Variants in CSNK1G1 observed in about 807,000 individuals in gnomAD.
CSNK1G1 encodes casein kinase 1 gamma 1, also known as casein kinase I isoform gamma-1.
A neutral mutation model predicts 59.6 loss-of-function variants in CSNK1G1; 22 were observed. The observed-to-expected ratio is 0.37, with a 90% CI of 0.26 to 0.53. The LOEUF is 0.53. Ranked by LOEUF, CSNK1G1 falls within the 20% of genes least tolerant of loss-of-function variation. The pLI is 0.89. For synonymous variants in CSNK1G1, 179 were observed against 177.1 expected (o/e 1.01, Z -0.08); for missense variants, 384 against 519.5 (o/e 0.74, Z 2.54).
rs574563796 is a variant in CSNK1G1 at position 64,245,751 on chromosome 15, A to G, written c.292+5761T>C. 1.2e-3 allele frequency among the ~76,000 whole-genome samples: 169 copies of G among 144,782 alleles called. No individual in the cohort carries two copies. The South Asian group carries it at 0.014, about 12-fold the overall frequency. 95.0% of individuals were successfully genotyped at this position (144,782 alleles called of 152,430 possible). The stretch of plus-strand genomic sequence containing the variant: ...GAGACCCCGGTTCTCCACAAAAAGG[A>G]AAAAAAAAAAAGACACACACACAAA... On this transcript the variant is annotated intron_variant, in intron 4 of 11. Transcript: ENST00000303052.
At chr15:64,189,019 G>A (rs931897792) in intron 10 of CSNK1G1, among the ~76,000 whole-genome samples, 6 of 152,098 alleles carry the variant, frequency 3.9e-5, no homozygotes, top group Non-Finnish European at 5.9e-5. Flanking sequence ...CCAGCTACTC[G>A]GGAGGCTGAA....
Position 64,216,924 on chromosome 15 carries a change from G to A in CSNK1G1, c.293-211C>T, listed in dbSNP as rs933081101. On this transcript the variant is annotated intron_variant, in intron 4 of 11. Coordinates refer to ENST00000303052, the MANE Select transcript of CSNK1G1 (RefSeq NM_022048.5). The surrounding 1 kb of genome is among the most constrained non-coding windows in gnomAD (Gnocchi z 4.6). ...GAAAGGCTAAGTCATTGCACAATAC[G>A]TTCAAATGAGTAGTTATTTAATACC... is the stretch of plus-strand genomic sequence containing the variant. Among the ~76,000 whole-genome samples the A allele has an allele frequency of 5.9e-5, 9 of 152,186 alleles. No individual in the cohort carries two copies. The highest frequency in any genetic ancestry group is 8.8e-5 in the Non-Finnish European group (6 of 68,032).
rs74602195 is a variant in CSNK1G1, at chr15:64,288,323, G to A, written c.181+11996C>T. Among the ~76,000 whole-genome samples, 462 of 152,218 alleles carry A rather than the reference G, an allele frequency of 3.0e-3. 1 individual carries two copies. Among genetic ancestry groups the A allele is most frequent in the African/African-American group, 0.011 (445 of 41,532 alleles). ...TGACATAAGTATATTGGGAGAATAT[G>A]GGCAAGGTATGTACGTCATTAGGGA... On this transcript the variant is annotated intron_variant, in intron 2 of 11. Coordinates refer to ENST00000303052, the MANE Select transcript of CSNK1G1 (RefSeq NM_022048.5).
rs2082025232 is a variant in CSNK1G1 at position 64,195,353 on chromosome 15, A to C, written c.1107+7729T>G. On this transcript the variant is annotated intron_variant, in intron 10 of 11. Coordinates refer to ENST00000303052, the MANE Select transcript of CSNK1G1 (RefSeq NM_022048.5). ...CCCTTCTTTTTCACATACCCACAACAAAACCCACCATAATAAAAGAGGTCA... is the reference window on the plus strand; with the variant it reads ...CCCTTCTTTTTCACATACCCACAACCAAACCCACCATAATAAAAGAGGTCA... Among the ~76,000 whole-genome samples, 3 of 152,210 alleles carry C rather than the reference A, an allele frequency of 2.0e-5. No homozygotes were observed. The South Asian group carries it at 6.2e-4, about 31-fold the overall frequency.
chr15:64,290,277 C>G (rs928889592), intron 2 of CSNK1G1, among the ~76,000 whole-genome samples: 1 of 151,902 alleles, frequency 6.6e-6, no homozygotes, highest in East Asian at 1.9e-4. Context: ...GCCAAAAATA[C>G]GGAAACAAGT....
At chr15:64,277,460 G>GTCAT (rs1356103998) in intron 2 of CSNK1G1, among the ~76,000 whole-genome samples, 1 of 151,082 alleles carries the variant, frequency 6.6e-6, no homozygotes, top group South Asian at 2.1e-4. Flanking sequence ...GTGAGACCCT[G>GTCAT]TCATTCATTC....
intron 1 of CSNK1G1, among the ~76,000 whole-genome samples, chr15:64,309,677 T>C (rs1480952872): frequency 1.3e-5 from 2 of 152,214 alleles, no homozygotes; most frequent in African/African-American, 2.4e-5. Context: ...ATTTGAGGTA[T>C]ATCCTGCCCT....
chr15:64,244,622 C>T (rs1031425152), intron 4 of CSNK1G1, among the ~76,000 whole-genome samples: 1 of 152,146 alleles, frequency 6.6e-6, no homozygotes, highest in African/African-American at 2.4e-5. Flanking sequence ...ATGGCTCACA[C>T]CTGTAATCCC....
At chr15:64,346,394 G>C (rs1291665003) in intron 1 of CSNK1G1, among the ~76,000 whole-genome samples, 1 of 150,722 alleles carries the variant, frequency 6.6e-6, no homozygotes, top group Non-Finnish European at 1.5e-5. Context: ...AGGAGAAAAT[G>C]TAAGTGACCT....
chr15:64,325,109 G>A (rs1012213938), intron 1 of CSNK1G1, among the ~76,000 whole-genome samples: 7 of 152,186 alleles, frequency 4.6e-5, no homozygotes, highest in Non-Finnish European at 1.0e-4. Context: ...GTTGTTTTCA[G>A]TATTTGTGAC....
chr15:64,248,382 G>A lies in CSNK1G1; in HGVS notation c.292+3130C>T, dbSNP rs137977207. On this transcript the variant is annotated intron_variant, in intron 4 of 11. Transcript: ENST00000303052. Reference sequence around the variant, plus strand: ...AAGGAATATTTTTATTAATAACATTGGTAAAAATCTAAAAAGGCAAGCTTA... The same window carrying A: ...AAGGAATATTTTTATTAATAACATTAGTAAAAATCTAAAAAGGCAAGCTTA... Among the ~76,000 whole-genome samples the A allele has an allele frequency of 7.7e-3, 1,174 of 151,990 alleles. 10 individuals carry two copies. Among genetic ancestry groups the A allele is most frequent in the African/African-American group, 0.027 (1,137 of 41,440 alleles).
intron 1 of CSNK1G1, among the ~76,000 whole-genome samples, chr15:64,346,561 G>T (rs561397538): frequency 4.0e-5 from 6 of 151,894 alleles, no homozygotes; most frequent in Non-Finnish European, 8.8e-5. Context: ...AGGTTCAAGT[G>T]ATTCTCCTGC....
chr15:64,293,076 C>T (rs189717023), intron 2 of CSNK1G1, among the ~76,000 whole-genome samples: 1 of 152,192 alleles, frequency 6.6e-6, no homozygotes, highest in Admixed American at 6.5e-5. Flanking sequence ...CTTTCCAGGC[C>T]TGATTCAGCA....
chr15:64,191,186 C>T (rs1239049569), intron 10 of CSNK1G1, among the ~76,000 whole-genome samples: 10 of 152,080 alleles, frequency 6.6e-5, no homozygotes, highest in Non-Finnish European at 1.2e-4. Flanking sequence ...CTCAGCCTCC[C>T]GAGTAGCTGG....
chr15:64,211,319 T>C (rs1230121108), intron 6 of CSNK1G1, among the ~76,000 whole-genome samples: 2 of 152,168 alleles, frequency 1.3e-5, no homozygotes, highest in Non-Finnish European at 2.9e-5. Flanking sequence ...TAAAAACCAA[T>C]AGCATTAGAG....
intron 1 of CSNK1G1, among the ~76,000 whole-genome samples, chr15:64,340,248 G>T (rs1336351647): frequency 2.0e-5 from 3 of 152,194 alleles, no homozygotes; most frequent in Non-Finnish European, 4.4e-5. Context: ...GCAAATAGTA[G>T]TAACTGTATG....
chr15:64,285,206 T>C (rs1013014443), intron 2 of CSNK1G1, among the ~76,000 whole-genome samples: 7 of 152,076 alleles, frequency 4.6e-5, no homozygotes, highest in East Asian at 1.9e-4. Flanking sequence ...CTTGAAGAAA[T>C]AGAATGTAGC....
At chr15:64,299,376 C>T (rs1895198536) in intron 2 of CSNK1G1, among the ~76,000 whole-genome samples, 1 of 152,108 alleles carries the variant, frequency 6.6e-6, no homozygotes, top group Admixed American at 6.5e-5. Context: ...ATCACGAAGT[C>T]AGAGGATCAA....
At chr15:64,252,844 G>C (rs1251121509) in intron 3 of CSNK1G1, among the ~76,000 whole-genome samples, 1 of 152,090 alleles carries the variant, frequency 6.6e-6, no homozygotes, top group East Asian at 1.9e-4. Context: ...ATTCTAAACT[G>C]ACAGTGTACT....
Sources: gnomAD v4.1 joint callset for allele counts (sites outside exome capture counted in the v4.1 genomes callset) on GRCh38, gnomAD v4.1.1 for gene constraint, Gnocchi (gnomAD v3.1) non-coding constraint, MANE v1.5 for transcripts, NCBI Gene and HGNC (gene_info 2026-07-23, HGNC 2026-07-21) for gene names.